The following NAP1L4 variants were observed in gnomAD, a reference collection of about 807,000 sequenced individuals.
The protein encoded by NAP1L4 is nucleosome assembly protein 1-like 4.
A neutral mutation model predicts 58.2 loss-of-function variants in NAP1L4; 15 were observed. The observed-to-expected ratio is 0.26, with a 90% CI of 0.17 to 0.40. NAP1L4 has a LOEUF of 0.40. NAP1L4 is among the 10% of genes least tolerant of loss of function. NAP1L4 has a pLI of 1.00. For missense variants in NAP1L4, 384 were observed against 451.1 expected (o/e 0.85, Z 1.35); for synonymous variants, 171 against 155.6 (o/e 1.10, Z -0.74).
rs1846070472 is a variant in NAP1L4, at chr11:2,948,776, A to T, written c.*32+451T>A. Among the ~76,000 whole-genome samples the T allele has an allele frequency of 6.6e-6, 1 of 152,222 alleles. No individual in the cohort carries two copies. The highest frequency in any genetic ancestry group is 1.5e-5 in the Non-Finnish European group (1 of 68,038). On this transcript the variant is annotated intron_variant, in intron 15 of 15. Transcript: ENST00000380542. The surrounding 1 kb of genome is among the most constrained non-coding windows in gnomAD (Gnocchi z 5.1). ...TGGTCTGCACAAAACATGAATTCAA[A>T]AAGTATAGATATTCAACAGACACGT...
chr11:2,980,437 C>A (rs1848235790), intron 1 of NAP1L4, among the ~76,000 whole-genome samples: 1 of 152,212 alleles, frequency 6.6e-6, no homozygotes, highest in Admixed American at 6.5e-5. Context: ...CCTCCCACCT[C>A]AGCCTACCAA....
chr11:2,947,478 G>A (rs937628549), intron 15 of NAP1L4, among the ~76,000 whole-genome samples: 4 of 152,232 alleles, frequency 2.6e-5, no homozygotes, highest in African/African-American at 9.6e-5. Flanking sequence ...CTCTGGGAAG[G>A]AAGGCAGCAT....
intron 7 of NAP1L4, among the ~76,000 whole-genome samples, chr11:2,969,489 A>G (rs1847507567): frequency 6.6e-6 from 1 of 152,108 alleles, no homozygotes; most frequent in Non-Finnish European, 1.5e-5. Flanking sequence ...TCTGGAATCT[A>G]TTCATAGGCT....
chr11:2,976,209 A>G, intron 3 of NAP1L4, 86 bp from the exon 4 acceptor site: 2 of 914,556 alleles, frequency 2.2e-6, no homozygotes, highest in Non-Finnish European at 3.3e-6. Flanking sequence ...ATATCTACTT[A>G]GCTTTGCCTA....
At chr11:2,986,160 G>A (rs1448928985) in intron 1 of NAP1L4, among the ~76,000 whole-genome samples, 1 of 152,092 alleles carries the variant, frequency 6.6e-6, no homozygotes, top group Admixed American at 6.5e-5. Context: ...GATCACATGA[G>A]GTCGGGAGTT....
At chr11:2,987,579 A>C (rs1848710896) in intron 1 of NAP1L4, among the ~76,000 whole-genome samples, 2 of 151,460 alleles carry the variant, frequency 1.3e-5, no homozygotes, top group South Asian at 4.2e-4. Flanking sequence ...AATATGGTGA[A>C]ACCCGTCTCT....
chr11:2,949,235 G>GT lies in NAP1L4; in HGVS notation c.*23dup. The GT allele has an allele frequency of 3.8e-6, 6 of 1,595,466 alleles. No individual in the cohort carries two copies. Among genetic ancestry groups the GT allele is most frequent in the Non-Finnish European group, 5.2e-6 (6 of 1,163,188 alleles). ...ATGGAATTCCACCTTACCTAGAAAC[G>GT]TATGAATGATTAACAGACAAAAATT... On this transcript the variant is annotated 3_prime_UTR_variant, in exon 15 of 16. Coordinates refer to ENST00000380542, the MANE Select transcript of NAP1L4 (RefSeq NM_005969.4). This position sits in a 1 kb window ranked among gnomAD's most constrained non-coding sequence, Gnocchi z 4.0.
At chr11:2,980,193 A>C (rs2134000881) in intron 1 of NAP1L4, among the ~76,000 whole-genome samples, 1 of 152,298 alleles carries the variant, frequency 6.6e-6, no homozygotes, top group African/African-American at 2.4e-5. Context: ...AACTAAAAAA[A>C]AGTTATCATT....
At position 2,948,299 on chromosome 11, in the gene NAP1L4, G is replaced by A. The variant is rs866082636; in HGVS notation, c.*32+928C>T. Among the ~76,000 whole-genome samples the A allele has an allele frequency of 1.3e-5, 2 of 152,086 alleles. No individual in the cohort carries two copies. Among genetic ancestry groups the A allele is most frequent in the Non-Finnish European group, 2.9e-5 (2 of 68,038 alleles). On this transcript the variant is annotated intron_variant, in intron 15 of 15. Coordinates refer to ENST00000380542, the MANE Select transcript of NAP1L4 (RefSeq NM_005969.4). This position sits in a 1 kb window ranked among gnomAD's most constrained non-coding sequence, Gnocchi z 5.1. ...GAGGCGGTGGCGCTAAGACCTCAAG[G>A]ACGTCTGGTCTATGGGCTGCCAGGA...
intron 1 of NAP1L4, chr11:2,991,075 T>C: frequency 2.2e-6 from 1 of 456,384 alleles, no homozygotes; most frequent in Non-Finnish European, 4.4e-6. Flanking sequence ...CAGACGAATG[T>C]GCCCCGACGA....
Position 2,969,908 on chromosome 11 carries a change from G to C in NAP1L4, c.429C>G (p.Val143=). 1 of 1,613,396 alleles carries C rather than the reference G, an allele frequency of 6.2e-7. No homozygotes were observed. Among genetic ancestry groups the C allele is most frequent in the South Asian group, 1.1e-5 (1 of 90,906 alleles). ...LAGDMKSKVV[V]TEKAAATAEE... is the part of the protein sequence containing the mutation. ...CAGCCGTTGCCGCTGCTTTTTCTGT[G>C]ACGACTACTTTACTTTTCATGTCTC... The change falls in exon 7 of 16, where the codon GTC becomes GTG. Residue 143 remains valine (V), a synonymous_variant. Transcript: ENST00000380542.
At chr11:2,952,450 C>T (rs948638383) in intron 12 of NAP1L4, 1 of 152,740 alleles carries the variant, frequency 6.5e-6, no homozygotes, top group Non-Finnish European at 1.5e-5. Context: ...CACCTTATCA[C>T]TACTGGTTGC....
intron 4 of NAP1L4, among the ~76,000 whole-genome samples, chr11:2,974,569 A>C (rs1174692314): frequency 6.6e-6 from 1 of 152,176 alleles, no homozygotes; most frequent in Non-Finnish European, 1.5e-5. Flanking sequence ...GTAATCTCTG[A>C]GAAGCTTCTA....
chr11:2,988,234 C>G (rs1848760544), intron 1 of NAP1L4: 1 of 152,246 alleles, frequency 6.6e-6, no homozygotes, highest in South Asian at 2.1e-4. Context: ...TCTCCTCCAC[C>G]CTTCTTTTCT....
At position 2,971,487 on chromosome 11, in the gene NAP1L4, C is replaced by T. The variant is rs772719091; in HGVS notation, c.363G>A (p.Ser121=). The T allele has an allele frequency of 2.4e-5, 38 of 1,613,750 alleles. No individual in the cohort carries two copies. Among genetic ancestry groups the T allele is most frequent in the South Asian group, 8.8e-5 (8 of 91,080 alleles). ...CCTCTTCATTTTCACTGTGCCATTCCGATTCCGCATCTGTTGGTTCAACAT... is the reference window on the plus strand; with the variant it reads ...CCTCTTCATTTTCACTGTGCCATTCTGATTCCGCATCTGTTGGTTCAACAT... ...TGDVEPTDAE[S]EWHSENEEEE... is the part of the protein sequence containing the mutation. Residue 121 remains serine (S), a synonymous_variant, in exon 6 of 16, where the codon TCG becomes TCA. Coordinates refer to ENST00000380542, the MANE Select transcript of NAP1L4 (RefSeq NM_005969.4). The surrounding 1 kb of genome is among the most constrained non-coding windows in gnomAD (Gnocchi z 4.2).
At chr11:2,988,623 GCA>G (rs1215275933) in intron 1 of NAP1L4, among the ~76,000 whole-genome samples, 6 of 152,188 alleles carry the variant, frequency 3.9e-5, no homozygotes, top group Admixed American at 6.5e-5. Context: ...ACATAAAAGT[GCA>G]CAGTCATTCT....
chr11:2,961,585 G>C (rs1237516405), intron 8 of NAP1L4, among the ~76,000 whole-genome samples: 1 of 151,740 alleles, frequency 6.6e-6, no homozygotes, highest in African/African-American at 2.4e-5. Flanking sequence ...AACTGTTTAA[G>C]GCTGTGACCA....
chr11:2,954,413 G>A lies in NAP1L4; in HGVS notation c.1035+114C>T, dbSNP rs748943995. The A allele has an allele frequency of 4.9e-6, 7 of 1,442,890 alleles. No homozygotes were observed. The highest frequency in any genetic ancestry group is 2.9e-6 in the Non-Finnish European group (3 of 1,032,696). The allele number at this position is 1,442,890 out of a possible 1,614,324, so 89.4% of individuals were successfully genotyped here. A position where few individuals can be genotyped will look rare whatever the true frequency, so the allele number is the denominator to read the frequency against. ...AGCAGCTTGGACTACATATCTGGCT[G>A]ATGATGTAATAAAAAGATTAGGCAT... is the stretch of plus-strand genomic sequence containing the variant. On this transcript the variant is annotated intron_variant, in intron 12 of 15. Coordinates refer to ENST00000380542, the MANE Select transcript of NAP1L4 (RefSeq NM_005969.4). The surrounding 1 kb of genome is among the most constrained non-coding windows in gnomAD (Gnocchi z 4.8).
At chr11:2,961,295 T>C (rs936759168) in intron 8 of NAP1L4, among the ~76,000 whole-genome samples, 1 of 151,702 alleles carries the variant, frequency 6.6e-6, no homozygotes, top group African/African-American at 2.4e-5. Context: ...GTCTAGTCGG[T>C]TTCTAGAAGG....
Sources: gnomAD v4.1 joint callset for allele counts (sites outside exome capture counted in the v4.1 genomes callset) on GRCh38, gnomAD v4.1.1 for gene constraint, Gnocchi (gnomAD v3.1) non-coding constraint, MANE v1.5 for transcripts, NCBI Gene and HGNC (gene_info 2026-07-23, HGNC 2026-07-21) for gene names.